The following STEAP3 variants were observed in gnomAD, a reference collection of about 807,000 sequenced individuals.
STEAP3 encodes metalloreductase STEAP3.
STEAP3 carries 35 observed loss-of-function variants against 34.9 expected under a neutral mutation model. The observed-to-expected ratio is 1.00, with a 90% CI of 0.76 to 1.33. STEAP3 has a LOEUF of 1.33. Among genes scored for constraint, STEAP3 ranks in the 40% most tolerant of loss-of-function variants. The pLI, the probability that STEAP3 is intolerant of heterozygous loss-of-function variation, is 0.00. For synonymous variants in STEAP3, 281 were observed against 301.6 expected (o/e 0.93, Z 0.71); for missense variants, 652 against 667.6 (o/e 0.98, Z 0.26).
At chr2:119,242,537 G>T (rs1573553596) in intron 2 of STEAP3, among the ~76,000 whole-genome samples, 1 of 152,216 alleles carries the variant, frequency 6.6e-6, no homozygotes, top group Admixed American at 6.5e-5. Flanking sequence ...CTTCCCCGGG[G>T]CTGAAGGGGT....
chr2:119,241,509 G>A (rs922975027), intron 2 of STEAP3, among the ~76,000 whole-genome samples: 16 of 152,332 alleles, frequency 1.1e-4, no homozygotes, highest in African/African-American at 2.9e-4. Context: ...TTATCCTACC[G>A]CTGAAAAGCA....
rs1363462813 is a variant in STEAP3 at position 119,245,586 on chromosome 2, A to C, written c.120A>C (p.Lys40Asn). 6.2e-7 allele frequency: 1 copy of C among 1,606,868 alleles called. No homozygotes were observed. Among genetic ancestry groups the C allele is most frequent in the South Asian group, 1.1e-5 (1 of 90,990 alleles). ...SLAKVPDEAP[K>N]VGILGSGDFA... ...CCAAGGTCCCCGATGAGGCCCCCAA[A>C]GTGGGCATCCTGGGTAGCGGGGACT... Residue 40 changes from lysine to asparagine, a missense_variant, in exon 3 of 6, where the codon AAA becomes AAC. Lys to Asn is a moderately conservative substitution (Grantham distance 94). Coordinates refer to ENST00000393110, the MANE Select transcript of STEAP3 (RefSeq NM_182915.3).
rs573731703 is a variant in STEAP3 at position 119,235,277 on chromosome 2, C to T, written c.22+4243C>T. Among the ~76,000 whole-genome samples, 6 of 152,312 alleles carry T rather than the reference C, an allele frequency of 3.9e-5. No homozygotes were observed. The South Asian group carries it at 6.2e-4, about 16-fold the overall frequency. On this transcript the variant is annotated intron_variant, in intron 2 of 5. Coordinates refer to ENST00000393110, the MANE Select transcript of STEAP3 (RefSeq NM_182915.3). ...CCCAGCTCTGGGCAGCCAAGGGGTA[C>T]GTAGGGACAGAGCATATGCATGTGA...
chr2:119,254,696 A>T lies in STEAP3; in HGVS notation c.1063A>T (p.Lys355Ter), dbSNP rs1558756381. Residue 355 changes from lysine to a stop codon, truncating the protein, a stop_gained, in exon 5 of 6, where the codon AAG becomes TAG. Transcript: ENST00000393110. LOFTEE classifies it high-confidence loss of function. ...NLAVKQVLAN[K>*]SHLWVEEEVW... ...CCATCCATGTCAGGTCTTGGCCAAC[A>T]AGAGCCACCTCTGGGTGGAGGAGGA... 1 of 1,614,098 alleles carries T rather than the reference A, an allele frequency of 6.2e-7. No homozygotes were observed. The highest frequency in any genetic ancestry group is 8.5e-7 in the Non-Finnish European group (1 of 1,180,014).
chr2:119,252,961 G>A (rs566853167), intron 4 of STEAP3, among the ~76,000 whole-genome samples: 1 of 152,228 alleles, frequency 6.6e-6, no homozygotes, highest in Non-Finnish European at 1.5e-5. Flanking sequence ...AGAGAGGAAT[G>A]ACTAATGAAG....
intron 4 of STEAP3, among the ~76,000 whole-genome samples, chr2:119,254,337 CG>C (rs1677711927): frequency 6.6e-6 from 1 of 151,986 alleles, no homozygotes; most frequent in Non-Finnish European, 1.5e-5. Context: ...TTGGCTGCCC[CG>C]GGGCAGATAT....
intron 2 of STEAP3, among the ~76,000 whole-genome samples, chr2:119,242,013 C>T (rs1341034929): frequency 6.6e-6 from 1 of 152,220 alleles, no homozygotes; most frequent in Non-Finnish European, 1.5e-5. Flanking sequence ...TGAGCTCTGT[C>T]TCTAGCTGCC....
At chr2:119,237,210 T>G (rs1209351848) in intron 2 of STEAP3, among the ~76,000 whole-genome samples, 3 of 152,190 alleles carry the variant, frequency 2.0e-5, no homozygotes, top group Non-Finnish European at 2.9e-5. Context: ...ACCTGCAAGG[T>G]CAGCCAGCAA....
intron 5 of STEAP3, among the ~76,000 whole-genome samples, chr2:119,256,765 C>T (rs1677786053): frequency 6.6e-6 from 1 of 152,154 alleles, no homozygotes; most frequent in African/African-American, 2.4e-5. Flanking sequence ...GTCAGCGGCG[C>T]CTGGGAAGCC....
chr2:119,247,483 G>C (rs78133788), intron 3 of STEAP3, among the ~76,000 whole-genome samples, 196 bp from the exon 4 acceptor site: 1 of 152,152 alleles, frequency 6.6e-6, no homozygotes, highest in Non-Finnish European at 1.5e-5. Context: ...CCAGAGGCTG[G>C]GAGGCCTGGG....
intron 1 of STEAP3, among the ~76,000 whole-genome samples, chr2:119,227,412 C>T (rs914135836): frequency 8.5e-5 from 13 of 152,162 alleles, no homozygotes; most frequent in Non-Finnish European, 1.3e-4. Flanking sequence ...GCTTCAGCAC[C>T]GTAAGAACAC....
chr2:119,234,159 G>A (rs763400981), intron 2 of STEAP3, among the ~76,000 whole-genome samples: 1 of 140,540 alleles, frequency 7.1e-6, no homozygotes, highest in Non-Finnish European at 1.6e-5. Flanking sequence ...GTGTGTCTTG[G>A]CTAACTCTGC....
In STEAP3 at chr2:119,234,683, C is replaced by T. The variant is rs1304268577; in HGVS notation, c.22+3649C>T. Reference sequence around the variant, plus strand: ...AGAGAATTTGTCAGAGGAGGTTTGGCAGGATGGACTATTGCATAGAACTGC... The same window carrying T: ...AGAGAATTTGTCAGAGGAGGTTTGGTAGGATGGACTATTGCATAGAACTGC... On this transcript the variant is annotated intron_variant, in intron 2 of 5. Transcript: ENST00000393110. 2.0e-5 allele frequency among the ~76,000 whole-genome samples: 3 copies of T among 152,236 alleles called. No individual in the cohort carries two copies. In the East Asian group the frequency reaches 5.8e-4, roughly 29 times the overall value.
intron 4 of STEAP3, among the ~76,000 whole-genome samples, chr2:119,250,497 GC>G (rs1677591583): frequency 6.6e-6 from 1 of 152,172 alleles, no homozygotes; most frequent in African/African-American, 2.4e-5. Context: ...CAAAGCACCA[GC>G]CCCTTGGCAG....
At chr2:119,256,913 A>G (rs1354814470) in intron 5 of STEAP3, among the ~76,000 whole-genome samples, 1 of 152,224 alleles carries the variant, frequency 6.6e-6, no homozygotes, top group Admixed American at 6.5e-5. Flanking sequence ...GTAAGAGATT[A>G]TGTGTGAAAG....
At chr2:119,225,289 G>A (rs1253730381) in intron 1 of STEAP3, among the ~76,000 whole-genome samples, 2 of 152,248 alleles carry the variant, frequency 1.3e-5, no homozygotes, top group African/African-American at 4.8e-5. Context: ...ATGGGTAAGT[G>A]GGCGGGGTGG....
Position 119,254,827 on chromosome 2 carries a change from G to A in STEAP3, c.1194G>A (p.Trp398Ter). Residue 398 changes from tryptophan to a stop codon, truncating the protein, a stop_gained, in exon 5 of 6, where the codon TGG (tryptophan) becomes TGA (stop). Coordinates refer to ENST00000393110, the MANE Select transcript of STEAP3 (RefSeq NM_182915.3). LOFTEE classifies it high-confidence loss of function. Reference protein sequence around the residue: ...SLPSIANSLNWREFSFVQSSL... With the variant: ...SLPSIANSLN ...CGTCCATTGCAAACTCGCTCAACTG[G>A]AGGGAGTTCAGCTTCGTTCAGGTAA... The A allele has an allele frequency of 6.2e-7, 1 of 1,614,128 alleles. No homozygotes were observed. The highest frequency in any genetic ancestry group is 8.5e-7 in the Non-Finnish European group (1 of 1,180,016).
At chr2:119,252,284 A>ACTG (rs1200420249) in intron 4 of STEAP3, among the ~76,000 whole-genome samples, 1 of 152,214 alleles carries the variant, frequency 6.6e-6, no homozygotes, top group Non-Finnish European at 1.5e-5. Flanking sequence ...CAGGAAAGGG[A>ACTG]CTGCCCAGGG....
chr2:119,245,845 C>G lies in STEAP3; in HGVS notation c.379C>G (p.Pro127Ala), dbSNP rs145640198. 1.2e-4 allele frequency: 186 copies of G among 1,614,032 alleles called. No homozygotes were observed. The highest frequency in any genetic ancestry group is 3.1e-4 in the African/African-American group (23 of 74,922). ...AGKILVDVSNPTEQEHLQHRE... is the reference protein window; with the variant it reads ...AGKILVDVSNATEQEHLQHRE... ...CAAGATCCTGGTGGATGTGAGCAAC[C>G]CTACAGAGCAAGAGCACCTTCAGCA... The change falls in exon 3 of 6, where the codon CCT (proline) becomes GCT (alanine). Residue 127 changes from proline to alanine, a missense_variant. Coordinates refer to ENST00000393110, the MANE Select transcript of STEAP3 (RefSeq NM_182915.3).
Sources: allele counts gnomAD v4.1 joint callset (sites outside exome capture counted in the v4.1 genomes callset), GRCh38; gene constraint gnomAD v4.1.1; transcripts MANE v1.5; gene names NCBI Gene and HGNC (gene_info 2026-07-23, HGNC 2026-07-21).